Variants in ZNF487 observed in about 807,000 individuals in gnomAD.
ZNF487 encodes KRAB domain only 1.
In ZNF487, 4 loss-of-function variants were observed where a neutral mutation model predicts 3.0. The observed-to-expected ratio is 1.35, with a 90% CI of 0.66 to 3.08. The LOEUF is 3.08. Ranked by LOEUF, ZNF487 falls within the 30% of genes most tolerant of loss-of-function variation. The pLI, the probability that ZNF487 is intolerant of heterozygous loss-of-function variation, is 0.01. For missense variants in ZNF487, 146 were observed against 98.7 expected (o/e 1.48, Z -2.03); for synonymous variants, 55 against 34.6 (o/e 1.59, Z -2.06).
At chr10:43,476,458 T>C (rs971718780) in intron 3 of ZNF487, among the ~76,000 whole-genome samples, 4 of 152,170 alleles carry the variant, frequency 2.6e-5, no homozygotes, top group African/African-American at 9.7e-5. Flanking sequence ...CAAATGAATG[T>C]CATTTGACTC....
chr10:43,477,519 C>T (rs772466585), intron 3 of ZNF487, among the ~76,000 whole-genome samples: 12 of 150,978 alleles, frequency 7.9e-5, no homozygotes, highest in East Asian at 3.9e-4. Context: ...ATTGTTAAGA[C>T]GAAATAATGT....
rs59615405 is a variant in ZNF487 at position 43,455,342 on chromosome 10, G to C, written c.-94+18080G>C. On this transcript the variant is annotated intron_variant, in intron 1 of 3. Coordinates refer to ENST00000437590, the MANE Select transcript of ZNF487 (RefSeq NM_001355444.3). Reference sequence around the variant, plus strand: ...GCACTTTTATTCACCCCCAAATTCTGTGTATTGCAAGTAAGTCTCAAATTT... The same window carrying C: ...GCACTTTTATTCACCCCCAAATTCTCTGTATTGCAAGTAAGTCTCAAATTT... 6.1e-3 allele frequency among the ~76,000 whole-genome samples: 930 copies of C among 152,300 alleles called. 9 individuals carry two copies. The highest frequency in any genetic ancestry group is 0.018 in the African/African-American group (737 of 41,578).
At chr10:43,483,410 T>G (rs1007691188), downstream of ZNF487, among the ~76,000 whole-genome samples, 1 of 151,868 alleles carries the variant, frequency 6.6e-6, no homozygotes, top group African/African-American at 2.4e-5. Flanking sequence ...CCGGCTAATT[T>G]TGTATTTTTA....
the ZNF487 span, among the ~76,000 whole-genome samples, chr10:43,499,312 A>T: frequency 6.6e-6 from 1 of 152,260 alleles, no homozygotes; most frequent in Non-Finnish European, 1.5e-5. Flanking sequence ...GACCAAAAAA[A>T]TAAAGAAACG....
downstream of ZNF487, among the ~76,000 whole-genome samples, chr10:43,484,060 G>A (rs140874386): frequency 6.6e-6 from 1 of 150,964 alleles, no homozygotes; most frequent in Non-Finnish European, 1.5e-5. Context: ...GTAGAGACAG[G>A]GTTTCGCCAT....
At chr10:43,477,272 A>G (rs1841135260) in intron 3 of ZNF487, among the ~76,000 whole-genome samples, 2 of 151,314 alleles carry the variant, frequency 1.3e-5, no homozygotes, top group African/African-American at 4.9e-5. Flanking sequence ...TCTTGGCTCA[A>G]TGCAACCTCT....
the ZNF487 span, among the ~76,000 whole-genome samples, chr10:43,502,591 A>T: frequency 6.6e-6 from 1 of 152,174 alleles, no homozygotes; most frequent in African/African-American, 2.4e-5. Flanking sequence ...TTCTAAATCT[A>T]CTGCACTGAC....
chr10:43,469,765 A>T (rs761849573), intron 1 of ZNF487, among the ~76,000 whole-genome samples: 3 of 152,062 alleles, frequency 2.0e-5, no homozygotes, highest in Non-Finnish European at 2.9e-5. Context: ...CCCGGCCAAC[A>T]TGGTGAAACC....
intron 1 of ZNF487, among the ~76,000 whole-genome samples, chr10:43,465,845 T>G (rs1176040731): frequency 2.6e-5 from 4 of 151,792 alleles, no homozygotes; most frequent in East Asian, 2.0e-4. Flanking sequence ...GCGGCTGGGA[T>G]GTGGAGGTTG....
rs139814032 is a variant in ZNF487, at chr10:43,473,238, G to A, written c.-93-2483G>A. ...TTCTTCTGCCTCAGCCTCCCGAGTA[G>A]CCATGCCTGTCTAATTTTTTTGTAT... On this transcript the variant is annotated intron_variant, in intron 1 of 3. Transcript: ENST00000437590. Among the ~76,000 whole-genome samples the A allele has an allele frequency of 6.6e-3, 991 of 150,260 alleles. 7 individuals carry two copies. The highest frequency in any genetic ancestry group is 0.01 in the Non-Finnish European group (702 of 67,560).
the ZNF487 span, among the ~76,000 whole-genome samples, chr10:43,490,676 AT>A: frequency 2.8e-3 from 310 of 111,984 alleles, no homozygotes; most frequent in Middle Eastern, 0.014. Flanking sequence ...CGCCTGGCTA[AT>A]TTTTTTTTTT....
chr10:43,496,128 T>G, the ZNF487 span: 1 of 529,714 alleles, frequency 1.9e-6, no homozygotes, highest in South Asian at 1.4e-5. Context: ...AACTACAGCC[T>G]CCTCATCTCA....
At chr10:43,456,038 C>A (rs1049585826) in intron 1 of ZNF487, among the ~76,000 whole-genome samples, 2 of 152,236 alleles carry the variant, frequency 1.3e-5, no homozygotes, top group East Asian at 1.9e-4. Flanking sequence ...AAGTATAATG[C>A]AGGCTCTGTT....
intron 1 of ZNF487, among the ~76,000 whole-genome samples, chr10:43,447,232 G>A (rs1260551216): frequency 9.7e-6 from 1 of 102,842 alleles, no homozygotes; most frequent in Non-Finnish European, 1.9e-5. Context: ...ACGACGGAGA[G>A]GGGAGAGGGA....
chr10:43,493,709 A>AAAAAAAATATATATATATAT, the ZNF487 span, among the ~76,000 whole-genome samples: 1 of 43,720 alleles, frequency 2.3e-5, no homozygotes, highest in African/African-American at 8.7e-5. Context: ...AAAAAAAAAA[A>AAAAAAAATATATATATATAT]ATATATATAT....
chr10:43,491,245 A>T, the ZNF487 span, among the ~76,000 whole-genome samples: 1 of 151,866 alleles, frequency 6.6e-6, no homozygotes, highest in Middle Eastern at 3.4e-3. Context: ...AAGTACTGGG[A>T]TTACAGGCCT....
chr10:43,498,075 T>TATATA, the ZNF487 span, among the ~76,000 whole-genome samples: 17 of 35,020 alleles, frequency 4.9e-4, no homozygotes, highest in African/African-American at 2.3e-3. Flanking sequence ...ATTTGGTATT[T>TATATA]TATATATATA....
At chr10:43,490,497 C>T in the ZNF487 span, among the ~76,000 whole-genome samples, 4 of 105,106 alleles carry the variant, frequency 3.8e-5, no homozygotes, top group Admixed American at 1.1e-4. Context: ...TGAAGTAGCT[C>T]TACTTTTTTT....
chr10:43,453,227 T>C (rs1222539883), intron 1 of ZNF487: 3 of 152,122 alleles, frequency 2.0e-5, no homozygotes, highest in Non-Finnish European at 2.9e-5. Context: ...GAGAAAGCAA[T>C]GTTCCTTGAG....
Sources: gnomAD v4.1 joint callset for allele counts (sites outside exome capture counted in the v4.1 genomes callset) on GRCh38, gnomAD v4.1.1 for gene constraint, MANE v1.5 for transcripts, NCBI Gene and HGNC (gene_info 2026-07-23, HGNC 2026-07-21) for gene names.